PBX3: variants seen among roughly 807,000 people sequenced by gnomAD.
PBX3 encodes PBX homeobox 3.
A neutral mutation model predicts 48.5 loss-of-function variants in PBX3; 14 were observed. The observed-to-expected ratio is 0.29, with a 90% CI of 0.19 to 0.45. The LOEUF (loss-of-function observed/expected upper bound fraction) is 0.45. PBX3 is among the 20% of genes least tolerant of loss of function. PBX3 has a pLI of 1.00. For missense variants in PBX3, 386 were observed against 546.7 expected, an observed-to-expected ratio of 0.71 and a Z score of 2.93; for synonymous variants, 210 against 200.3, an observed-to-expected ratio of 1.05 and a Z score of -0.41.
chr9:125,851,976 A>AG (rs1839595440), intron 2 of PBX3, among the ~76,000 whole-genome samples: 1 of 151,792 alleles, frequency 6.6e-6, no homozygotes, highest in Non-Finnish European at 1.5e-5. Context: ...TTTAAGAAAA[A>AG]GGCACCATTA....
At chr9:125,897,800 G>A (rs533484468) in intron 2 of PBX3, among the ~76,000 whole-genome samples, 53 of 151,862 alleles carry the variant, frequency 3.5e-4, no homozygotes, top group African/African-American at 1.2e-3. Flanking sequence ...TTCTCATAGC[G>A]TCCTGTAACT....
intron 2 of PBX3, among the ~76,000 whole-genome samples, chr9:125,782,947 ATG>A: frequency 6.6e-6 from 1 of 152,110 alleles, no homozygotes; most frequent in Non-Finnish European, 1.5e-5. Context: ...GATTCCTTCT[ATG>A]TAATGAGCTT....
Position 125,915,601 on chromosome 9 carries a change from TTTCTCGAATAAACAAA to T in PBX3, c.275-84_275-69del. 5 of 1,024,978 alleles carry T rather than the reference TTTCTCGAATAAACAAA, an allele frequency of 4.9e-6. No individual in the cohort carries two copies. In the South Asian group the frequency reaches 8.4e-5, roughly 17 times the overall value. The allele number at this position is 1,024,978 out of a possible 1,614,324, so 63.5% of individuals were successfully genotyped here. A position where few individuals can be genotyped will look rare whatever the true frequency, so the allele number is the denominator to read the frequency against. On this transcript the variant is annotated intron_variant, in intron 2 of 8. Transcript: ENST00000373489. ...TAGTACACTGATGTTGTTTGATCAT[TTTCTCGAATAAACAAA>T]ATACTCACACTATTTGTCCTCTGTT...
chr9:125,933,982 T>A (rs1236814898), intron 4 of PBX3, among the ~76,000 whole-genome samples: 2 of 152,150 alleles, frequency 1.3e-5, no homozygotes, highest in Non-Finnish European at 2.9e-5. Context: ...AAATGCTAAC[T>A]GTTCTTCTTT....
intron 2 of PBX3, among the ~76,000 whole-genome samples, chr9:125,814,804 A>G (rs1190559780): frequency 6.6e-6 from 1 of 152,180 alleles, no homozygotes; most frequent in Non-Finnish European, 1.5e-5. Context: ...ATTAAAACCT[A>G]TCAGATCACT....
intron 2 of PBX3, among the ~76,000 whole-genome samples, chr9:125,787,009 G>A (rs186061119): frequency 2.0e-5 from 3 of 152,200 alleles, no homozygotes; most frequent in East Asian, 3.9e-4. Flanking sequence ...ACAGGCATGA[G>A]CCACTGTGTC....
chr9:125,809,945 C>A (rs1212250168), intron 2 of PBX3, among the ~76,000 whole-genome samples: 1 of 152,108 alleles, frequency 6.6e-6, no homozygotes, highest in Non-Finnish European at 1.5e-5. Flanking sequence ...ACAGTAAGTT[C>A]TGTTGTAATG....
At chr9:125,882,285 A>G (rs192159673) in intron 2 of PBX3, among the ~76,000 whole-genome samples, 2 of 152,218 alleles carry the variant, frequency 1.3e-5, no homozygotes, top group Admixed American at 6.5e-5. Flanking sequence ...TAATTCAGCA[A>G]TGAAAAAGTT....
At chr9:125,778,373 T>G (rs1434837682) in intron 2 of PBX3, among the ~76,000 whole-genome samples, 2 of 152,020 alleles carry the variant, frequency 1.3e-5, no homozygotes, top group South Asian at 2.1e-4. Flanking sequence ...ATTCTCTGCC[T>G]CAGCCTCCCG....
At chr9:125,872,384 T>G (rs1940423177) in intron 2 of PBX3, among the ~76,000 whole-genome samples, 5 of 152,044 alleles carry the variant, frequency 3.3e-5, no homozygotes, top group Admixed American at 1.3e-4. Context: ...GAGACATCCC[T>G]TATATGAAAG....
chr9:125,936,583 A>G (rs771850274), intron 5 of PBX3, among the ~76,000 whole-genome samples: 5 of 152,186 alleles, frequency 3.3e-5, no homozygotes, highest in African/African-American at 4.8e-5. Flanking sequence ...TCAAGTTCCA[A>G]TGAGGGTCTC....
At chr9:125,961,502 A>G (rs1842429932) in intron 6 of PBX3, among the ~76,000 whole-genome samples, 1 of 152,268 alleles carries the variant, frequency 6.6e-6, no homozygotes. Context: ...ATGTGCAGCT[A>G]GTCCAAACAG....
At position 125,966,019 on chromosome 9, in the gene PBX3, A is replaced by G. The variant is rs1436287733; in HGVS notation, c.*96A>G. ...AGCGTTTTTGTAGCCCACCATCTACAGCTTTACTGTAAAACCTTGTCTTAT... is the reference window on the plus strand; with the variant it reads ...AGCGTTTTTGTAGCCCACCATCTACGGCTTTACTGTAAAACCTTGTCTTAT... On this transcript the variant is annotated 3_prime_UTR_variant, in exon 9 of 9. Transcript: ENST00000373489. The G allele has an allele frequency of 1.0e-5, 8 of 780,154 alleles. No individual in the cohort carries two copies. Among genetic ancestry groups the G allele is most frequent in the Non-Finnish European group, 1.8e-5 (8 of 454,368 alleles). The allele number at this position is 780,154 out of a possible 1,614,324, so 48.3% of individuals were successfully genotyped here. A position where few individuals can be genotyped will look rare whatever the true frequency, so the allele number is the denominator to read the frequency against.
chr9:125,869,400 T>C lies in PBX3; in HGVS notation c.275-46286T>C, dbSNP rs117102162. On this transcript the variant is annotated intron_variant, in intron 2 of 8. Coordinates refer to ENST00000373489, the MANE Select transcript of PBX3 (RefSeq NM_006195.6). Reference sequence around the variant, plus strand: ...ATATGTCAGAATTGATGAAATATACTGGTATTCAAATAGGTAGCTCGGTGA... The same window carrying C: ...ATATGTCAGAATTGATGAAATATACCGGTATTCAAATAGGTAGCTCGGTGA... 1.1e-3 allele frequency among the ~76,000 whole-genome samples: 172 copies of C among 152,328 alleles called. 2 individuals carry two copies. The East Asian group carries it at 0.021, about 19-fold the overall frequency.
intron 2 of PBX3, among the ~76,000 whole-genome samples, chr9:125,890,284 C>G (rs1840611068): frequency 6.6e-6 from 1 of 152,116 alleles, no homozygotes; most frequent in Admixed American, 6.5e-5. Context: ...AATAACTAAG[C>G]CTTCACCATA....
At chr9:125,825,410 A>T (rs1838779853) in intron 2 of PBX3, among the ~76,000 whole-genome samples, 1 of 152,194 alleles carries the variant, frequency 6.6e-6, no homozygotes, top group African/African-American at 2.4e-5. Context: ...ATAACACGTT[A>T]GCATAAGTAT....
chr9:125,851,510 T>C (rs1224721314), intron 2 of PBX3, among the ~76,000 whole-genome samples: 1 of 152,128 alleles, frequency 6.6e-6, no homozygotes, highest in East Asian at 1.9e-4. Context: ...TATAGAAGCA[T>C]CTTTTTTAAC....
chr9:125,828,658 A>G (rs1838873247), intron 2 of PBX3, among the ~76,000 whole-genome samples: 1 of 152,224 alleles, frequency 6.6e-6, no homozygotes, highest in Non-Finnish European at 1.5e-5. Flanking sequence ...ACTTTGAGCT[A>G]TAGTTAAACA....
intron 3 of PBX3, among the ~76,000 whole-genome samples, chr9:125,924,332 T>G (rs2132494834): frequency 6.6e-6 from 1 of 152,360 alleles, no homozygotes; most frequent in South Asian, 2.1e-4. Flanking sequence ...CATATCTGCT[T>G]CTACAGTCAA....
Sources: allele counts gnomAD v4.1 joint callset (sites outside exome capture counted in the v4.1 genomes callset), GRCh38; gene constraint gnomAD v4.1.1; transcripts MANE v1.5; gene names NCBI Gene and HGNC (gene_info 2026-07-23, HGNC 2026-07-21).